Variants in TP53BP1 observed in about 807,000 individuals in gnomAD.
TP53BP1 encodes the protein tumor protein p53 binding protein 1, also known as TP53-binding protein 1.
In TP53BP1, 61 loss-of-function variants were observed where a neutral mutation model predicts 200.8. The observed-to-expected ratio is 0.30, with a 90% CI of 0.25 to 0.38. The LOEUF (loss-of-function observed/expected upper bound fraction) is 0.38. TP53BP1 is among the 10% of genes least tolerant of loss of function. The pLI, the probability that TP53BP1 is intolerant of heterozygous loss-of-function variation, is 1.00. For synonymous variants in TP53BP1, 822 were observed against 844.3 expected (o/e 0.97, Z 0.46); for missense variants, 2,144 against 2,371.9 (o/e 0.90, Z 2.00).
At chr15:43,414,068 C>T (rs906054992) in intron 23 of TP53BP1, 16 of 464,178 alleles carry the variant, frequency 3.4e-5, no homozygotes, top group African/African-American at 6.0e-5. Context: ...GAAGCTGAAT[C>T]GTAGGTTCAT....
chr15:43,489,206 T>C (rs919574861), intron 4 of TP53BP1, among the ~76,000 whole-genome samples: 2 of 152,274 alleles, frequency 1.3e-5, no homozygotes, highest in Non-Finnish European at 2.9e-5. Flanking sequence ...TAATGACTCA[T>C]TTAACATCTG....
At chr15:43,465,100 T>C (rs1033418433) in intron 11 of TP53BP1, among the ~76,000 whole-genome samples, 6 of 152,108 alleles carry the variant, frequency 3.9e-5, no homozygotes, top group Admixed American at 6.6e-5. Context: ...ATTTTATAAT[T>C]CCATTTATAT....
At chr15:43,461,493 C>T (rs950945881) in intron 11 of TP53BP1, among the ~76,000 whole-genome samples, 5 of 152,138 alleles carry the variant, frequency 3.3e-5, no homozygotes, top group South Asian at 2.1e-4. Flanking sequence ...GCTGGGATTA[C>T]GGGCATGAGC....
intron 1 of TP53BP1, among the ~76,000 whole-genome samples, chr15:43,508,350 A>C (rs1698871711): frequency 6.6e-6 from 1 of 151,500 alleles, no homozygotes; most frequent in Non-Finnish European, 1.5e-5. Flanking sequence ...AGAGAGCAAG[A>C]CTCCGTCTCA....
chr15:43,423,839 T>G (rs1216995854), intron 18 of TP53BP1, among the ~76,000 whole-genome samples: 1 of 152,196 alleles, frequency 6.6e-6, no homozygotes, highest in Non-Finnish European at 1.5e-5. Flanking sequence ...TTTGGCTACT[T>G]CTATTTATGC....
chr15:43,454,322 T>C (rs2046242354), intron 12 of TP53BP1, among the ~76,000 whole-genome samples: 1 of 152,174 alleles, frequency 6.6e-6, no homozygotes, highest in Non-Finnish European at 1.5e-5. Context: ...CTTAAGTTTG[T>C]GTCTTGTTAT....
Position 43,480,996 on chromosome 15 carries a change from G to A in TP53BP1, c.398C>T (p.Ala133Val). 6.2e-7 allele frequency: 1 copy of A among 1,614,042 alleles called. No individual in the cohort carries two copies. Among genetic ancestry groups the A allele is most frequent in the Non-Finnish European group, 8.5e-7 (1 of 1,179,984 alleles). ...SSVLGMSVES[A>V]PAVEEEKGEE... ...TCCCTTCTCTTCCTCCACAGCAGGAGCAGATTCCACTGACATTCCCAGAAC... is the reference window on the plus strand; with the variant it reads ...TCCCTTCTCTTCCTCCACAGCAGGAACAGATTCCACTGACATTCCCAGAAC... The change falls in exon 5 of 28, where the codon GCT (alanine) becomes GTT (valine). Residue 133 changes from alanine to valine, a missense_variant. By Grantham distance (64) the Ala-to-Val change is moderately conservative. Coordinates refer to ENST00000382044, the MANE Select transcript of TP53BP1 (RefSeq NM_001141980.3).
chr15:43,405,287 T>G lies in TP53BP1; in HGVS notation c.*2096A>C, dbSNP rs2044831778. ...TAACAGAAGATTCAAAACATCCCAT[T>G]CTAGCCACACACAAATAAATATCTG... is the stretch of plus-strand genomic sequence containing the variant. On this transcript the variant is annotated 3_prime_UTR_variant, in exon 28 of 28. Transcript: ENST00000382044. 6.5e-7 allele frequency: 1 copy of G among 1,532,410 alleles called. No individual in the cohort carries two copies. Among genetic ancestry groups the G allele is most frequent in the African/African-American group, 1.4e-5 (1 of 73,250 alleles). The allele number at this position is 1,532,410 out of a possible 1,614,324, so 94.9% of individuals were successfully genotyped here.
At chr15:43,414,135 C>G in intron 23 of TP53BP1, 1 of 470,092 alleles carries the variant, frequency 2.1e-6, no homozygotes, top group South Asian at 1.6e-5. Flanking sequence ...AAACCAGGAG[C>G]AAGAAAACAG....
At chr15:43,432,066 CT>C in intron 17 of TP53BP1, 127 bp downstream of exon 17, 1 of 1,353,440 alleles carries the variant, frequency 7.4e-7, no homozygotes, top group Non-Finnish European at 1.0e-6. Context: ...TTGTTTTTGT[CT>C]TTTAACCACT....
chr15:43,426,593 C>T (rs2045539776), intron 18 of TP53BP1, among the ~76,000 whole-genome samples: 1 of 151,998 alleles, frequency 6.6e-6, no homozygotes, highest in Admixed American at 6.6e-5. Context: ...CAATAGCCCA[C>T]TGAAAAATAG....
At chr15:43,454,964 A>G (rs998908411) in intron 12 of TP53BP1, among the ~76,000 whole-genome samples, 17 of 152,154 alleles carry the variant, frequency 1.1e-4, no homozygotes, top group African/African-American at 4.1e-4. Context: ...TCCTGAGCTC[A>G]GGCAATCCGC....
upstream of TP53BP1, among the ~76,000 whole-genome samples, chr15:43,496,075 T>A (rs191809836): frequency 1.8e-4 from 27 of 152,288 alleles, no homozygotes; most frequent in African/African-American, 6.5e-4. Flanking sequence ...CATCTACCTG[T>A]CTACAGGTAA....
chr15:43,432,228 G>C lies in TP53BP1; in HGVS notation c.3641C>G (p.Ala1214Gly). The change falls in exon 17 of 28, where the codon GCT becomes GGT. Residue 1214 changes from alanine to glycine, a missense_variant. Around this residue, in one of 4 missense-constraint regions of TP53BP1, gnomAD observed 1,700 missense variants for 1,710.3 expected, o/e 0.99. Coordinates refer to ENST00000382044, the MANE Select transcript of TP53BP1 (RefSeq NM_001141980.3). Reference sequence around the variant, plus strand: ...GAGCGACTCTGTATCATCCCCAGGAGCACTGACTGGTTTCTCACCACTCCC... The same window carrying C: ...GAGCGACTCTGTATCATCCCCAGGACCACTGACTGGTTTCTCACCACTCCC... ...ERGSGEKPVS[A>G]PGDDTESLHS... is the part of the protein sequence containing the mutation. 6.2e-7 allele frequency: 1 copy of C among 1,614,114 alleles called. No individual in the cohort carries two copies. Among genetic ancestry groups the C allele is most frequent in the South Asian group, 1.1e-5 (1 of 91,082 alleles).
intron 3 of TP53BP1, 95 bp downstream of exon 3, chr15:43,491,907 T>C (rs2079129028): frequency 1.7e-6 from 2 of 1,155,816 alleles, no homozygotes; most frequent in Admixed American, 3.4e-5. Flanking sequence ...CTTCCTTACA[T>C]ACATTCGACA....
chr15:43,438,444 T>G (rs528268093), intron 15 of TP53BP1, 28 bp from the exon 16 acceptor site: 4 of 1,556,236 alleles, frequency 2.6e-6, no homozygotes, highest in African/African-American at 1.4e-5. Flanking sequence ...AGCAATATAT[T>G]GTTAACTTTG....
chr15:43,502,845 T>G (rs1360354734), intron 1 of TP53BP1, among the ~76,000 whole-genome samples: 3 of 151,836 alleles, frequency 2.0e-5, no homozygotes, highest in African/African-American at 7.3e-5. Context: ...AACCTCTGTC[T>G]CCCGGGTTCA....
chr15:43,493,271 G>C, upstream of TP53BP1: 2 of 1,395,316 alleles, frequency 1.4e-6, no homozygotes, highest in South Asian at 1.5e-5. Context: ...CCCCACGTAA[G>C]AAAAAGGAAC....
At chr15:43,481,927 T>G (rs1182014113) in intron 4 of TP53BP1, among the ~76,000 whole-genome samples, 1 of 151,838 alleles carries the variant, frequency 6.6e-6, no homozygotes, top group Non-Finnish European at 1.5e-5. Context: ...TCCATATATT[T>G]TTAAAATAAG....
Sources: gnomAD v4.1 joint callset for allele counts (sites outside exome capture counted in the v4.1 genomes callset) on GRCh38, gnomAD v4.1.1 for gene constraint, gnomAD v4.1.1 regional missense constraint, MANE v1.5 for transcripts, NCBI Gene and HGNC (gene_info 2026-07-23, HGNC 2026-07-21) for gene names.